ZBTB40: variants seen among roughly 807,000 people sequenced by gnomAD.
ZBTB40 encodes the protein zinc finger and BTB domain containing 40.
ZBTB40 carries 60 observed loss-of-function variants against 117.5 expected under a neutral mutation model. The ratio of observed to expected loss-of-function variants is 0.51; its 90% confidence interval spans 0.41 to 0.63. The LOEUF is 0.63. Among genes scored for constraint, ZBTB40 ranks in the 30% least tolerant of loss-of-function variants. The pLI, the probability that ZBTB40 is intolerant of heterozygous loss-of-function variation, is 0.00. For synonymous variants in ZBTB40, 525 were observed against 577.1 expected (o/e 0.91, Z 1.29); for missense variants, 1,287 against 1,498.5 (o/e 0.86, Z 2.33).
intron 1 of ZBTB40, among the ~76,000 whole-genome samples, chr1:22,473,619 G>A (rs1477618777): frequency 2.0e-5 from 3 of 152,320 alleles, no homozygotes; most frequent in East Asian, 1.9e-4. Context: ...GATGTGAATT[G>A]GTGATTGAGA....
intron 1 of ZBTB40, among the ~76,000 whole-genome samples, chr1:22,468,088 C>CAA (rs200373661): frequency 1.9e-5 from 2 of 105,918 alleles, no homozygotes; most frequent in Non-Finnish European, 4.0e-5. Flanking sequence ...GACCCCATCT[C>CAA]AAAAAAAAAA....
intron 2 of ZBTB40, 132 bp downstream of exon 2, chr1:22,490,777 C>A: frequency 1.0e-6 from 1 of 980,530 alleles, no homozygotes; most frequent in Non-Finnish European, 1.5e-6. Flanking sequence ...CCGTACTGGG[C>A]CATTCTTTTA....
intron 1 of ZBTB40, among the ~76,000 whole-genome samples, chr1:22,438,852 T>A (rs1470790210): frequency 3.3e-5 from 5 of 152,162 alleles, no homozygotes; most frequent in Admixed American, 1.3e-4. Context: ...GCCCATTTTT[T>A]ATTTCATTTT....
chr1:22,524,559 C>T, intron 17 of ZBTB40, 115 bp downstream of exon 17: 1 of 1,179,186 alleles, frequency 8.5e-7, no homozygotes, highest in Non-Finnish European at 1.2e-6. Flanking sequence ...TGTAGAGAGT[C>T]TCTCTGGACT....
chr1:22,449,638 A>G (rs1370383691), upstream of ZBTB40, among the ~76,000 whole-genome samples: 2 of 152,224 alleles, frequency 1.3e-5, no homozygotes, highest in Non-Finnish European at 2.9e-5. Context: ...CCCCCCAGGG[A>G]AAGATTCCTT....
intron 7 of ZBTB40, 121 bp from the exon 8 acceptor site, chr1:22,508,409 G>T: frequency 8.3e-7 from 1 of 1,204,998 alleles, no homozygotes; most frequent in South Asian, 1.2e-5. Context: ...GAGAGGTGAG[G>T]ATGTTGAAAA....
At chr1:22,472,716 A>G (rs1359093600) in intron 1 of ZBTB40, among the ~76,000 whole-genome samples, 1 of 152,132 alleles carries the variant, frequency 6.6e-6, no homozygotes, top group Non-Finnish European at 1.5e-5. Context: ...TTCAGCATAT[A>G]TTTATTGGCT....
chr1:22,479,095 T>C (rs1247465257), intron 1 of ZBTB40, among the ~76,000 whole-genome samples: 3 of 152,208 alleles, frequency 2.0e-5, no homozygotes, highest in Admixed American at 6.5e-5. Context: ...TTTTAAAATT[T>C]TATCTGTGTT....
rs2124377896 is a variant in ZBTB40, at chr1:22,452,942, T to C, written c.-70+938T>C. ...GTTGTTCTACTTTATGACGACGCTT[T>C]ATAAGTAAGTATGGTATTTCCATTT... On this transcript the variant is annotated intron_variant, in intron 1 of 17. Coordinates refer to ENST00000375647, the MANE Select transcript of ZBTB40 (RefSeq NM_014870.4). The C allele has an allele frequency of 1.3e-5, 2 of 152,402 alleles. 1 individual carries two copies. The highest frequency in any genetic ancestry group is 4.1e-4 in the South Asian group (2 of 4,828). The allele number at this position is 152,402 out of a possible 1,614,324, so 9.4% of individuals were successfully genotyped here.
intron 1 of ZBTB40, among the ~76,000 whole-genome samples, chr1:22,474,781 C>T: frequency 6.6e-6 from 1 of 152,102 alleles, no homozygotes; most frequent in East Asian, 1.9e-4. Flanking sequence ...TTTGGTCATG[C>T]AACAAGAGTA....
intron 3 of ZBTB40, among the ~76,000 whole-genome samples, chr1:22,494,037 A>G (rs1354855089): frequency 6.6e-6 from 1 of 152,184 alleles, no homozygotes; most frequent in African/African-American, 2.4e-5. Flanking sequence ...GTGAATTAAG[A>G]TTATTTATAT....
intron 12 of ZBTB40, among the ~76,000 whole-genome samples, chr1:22,516,993 C>T (rs1040951815): frequency 2.0e-5 from 3 of 152,010 alleles, no homozygotes; most frequent in African/African-American, 4.8e-5. Context: ...TATCTGGTTG[C>T]GGGAGTAGAG....
intron 1 of ZBTB40, among the ~76,000 whole-genome samples, chr1:22,461,589 T>G (rs1029873676): frequency 3.3e-5 from 5 of 152,004 alleles, no homozygotes; most frequent in Admixed American, 2.6e-4. Flanking sequence ...CTTATAACAC[T>G]AGGAGGAGAC....
At chr1:22,468,849 C>A (rs537532664) in intron 1 of ZBTB40, among the ~76,000 whole-genome samples, 36 of 151,496 alleles carry the variant, frequency 2.4e-4, no homozygotes, top group African/African-American at 8.0e-4. Flanking sequence ...TTAGTAGGGA[C>A]AGGGTCTTGC....
rs1309263630 is a variant in ZBTB40 at position 22,509,098 on chromosome 1, AG to A, written c.1700-1del. On this transcript the variant is annotated splice_acceptor_variant, in intron 8 of 17. Transcript: ENST00000375647. LOFTEE classifies it high-confidence loss of function. ...TGAGTTTTTGATCCCCCTTTTTTTC[AG>A]TGACCACCCCAGAACATGCCACTTT... 1 of 1,614,018 alleles carries A rather than the reference AG, an allele frequency of 6.2e-7. No individual in the cohort carries two copies. The highest frequency in any genetic ancestry group is 1.7e-5 in the Admixed American group (1 of 60,012).
chr1:22,432,287 AGCC>A (rs1640602427), intron 1 of ZBTB40, among the ~76,000 whole-genome samples: 1 of 152,182 alleles, frequency 6.6e-6, no homozygotes, highest in African/African-American at 2.4e-5. Context: ...TGTGGGCTAT[AGCC>A]ACACACTCCC....
chr1:22,477,835 C>T (rs1245512513), intron 1 of ZBTB40, among the ~76,000 whole-genome samples: 2 of 152,130 alleles, frequency 1.3e-5, no homozygotes, highest in Non-Finnish European at 2.9e-5. Flanking sequence ...AGGCGTGAGC[C>T]AGCGTGCCCA....
chr1:22,432,333 T>G, intron 1 of ZBTB40, among the ~76,000 whole-genome samples: 1 of 152,158 alleles, frequency 6.6e-6, no homozygotes, highest in East Asian at 1.9e-4. Flanking sequence ...TTGGGGTGGG[T>G]TGGGGAAAGG....
chr1:22,440,033 C>CT (rs1318089929), intron 1 of ZBTB40, among the ~76,000 whole-genome samples: 1 of 152,048 alleles, frequency 6.6e-6, no homozygotes, highest in Non-Finnish European at 1.5e-5. Flanking sequence ...ATTGTAAAGT[C>CT]TTTCACCTCC....
Sources: allele counts gnomAD v4.1 joint callset (sites outside exome capture counted in the v4.1 genomes callset), GRCh38; gene constraint gnomAD v4.1.1; transcripts MANE v1.5; gene names NCBI Gene and HGNC (gene_info 2026-07-23, HGNC 2026-07-21).